The following CLEC16A variants were observed in gnomAD, a reference collection of about 807,000 sequenced individuals.
CLEC16A encodes the protein protein CLEC16A.
CLEC16A carries 51 observed loss-of-function variants against 109.5 expected under a neutral mutation model. The ratio of observed to expected loss-of-function variants is 0.47; its 90% confidence interval spans 0.37 to 0.59. The LOEUF (loss-of-function observed/expected upper bound fraction) is 0.59. CLEC16A is among the 20% of genes least tolerant of loss of function. The pLI is 0.00. For synonymous variants in CLEC16A, 673 were observed against 564.2 expected (o/e 1.19, Z -2.73); for missense variants, 1,339 against 1,394.0 (o/e 0.96, Z 0.63).
At chr16:11,014,490 A>C (rs2045622595) in intron 11 of CLEC16A, among the ~76,000 whole-genome samples, 1 of 152,262 alleles carries the variant, frequency 6.6e-6, no homozygotes, top group East Asian at 1.9e-4. Context: ...TGTAGAGTAT[A>C]ACGGTGATTT....
chr16:11,082,683 ACCTCTCT>A (rs2049792948), intron 19 of CLEC16A, among the ~76,000 whole-genome samples: 1 of 151,660 alleles, frequency 6.6e-6, no homozygotes, highest in African/African-American at 2.4e-5. Flanking sequence ...CCTCTCCTCC[ACCTCTCT>A]CTTCTGGAAG....
intron 19 of CLEC16A, among the ~76,000 whole-genome samples, chr16:11,119,180 T>C (rs1240792277): frequency 6.6e-6 from 1 of 152,156 alleles, no homozygotes; most frequent in African/African-American, 2.4e-5. Flanking sequence ...TTTTTATTTT[T>C]TGGTAGAGAC....
At chr16:10,960,727 A>C (rs2042213318) in intron 2 of CLEC16A, among the ~76,000 whole-genome samples, 1 of 152,028 alleles carries the variant, frequency 6.6e-6, no homozygotes, top group Non-Finnish European at 1.5e-5. Flanking sequence ...TCTGCATGGA[A>C]GATTCATCTC....
chr16:11,035,280 T>C (rs1169466122), intron 13 of CLEC16A, among the ~76,000 whole-genome samples: 1 of 152,228 alleles, frequency 6.6e-6, no homozygotes, highest in African/African-American at 2.4e-5. Flanking sequence ...ACAGCTGTCA[T>C]ATGGTGGCTT....
At chr16:10,963,208 T>C (rs2042338909) in intron 3 of CLEC16A, among the ~76,000 whole-genome samples, 1 of 152,174 alleles carries the variant, frequency 6.6e-6, no homozygotes. Flanking sequence ...GAGTGCTAGC[T>C]GGTGTCTCTT....
intron 22 of CLEC16A, among the ~76,000 whole-genome samples, chr16:11,138,088 T>A (rs954419069): frequency 1.3e-5 from 2 of 152,216 alleles, no homozygotes; most frequent in African/African-American, 4.8e-5. Context: ...AGAATTGGCA[T>A]TTTTTAAAGG....
At chr16:11,086,165 G>C (rs1220637556) in intron 19 of CLEC16A, among the ~76,000 whole-genome samples, 4 of 152,202 alleles carry the variant, frequency 2.6e-5, no homozygotes, top group African/African-American at 9.6e-5. Context: ...GGCTTCTGGG[G>C]TGTGCACACA....
intron 13 of CLEC16A, among the ~76,000 whole-genome samples, chr16:11,030,819 A>G (rs985722671): frequency 3.3e-5 from 5 of 152,050 alleles, no homozygotes; most frequent in Non-Finnish European, 7.4e-5. Context: ...TGATTTTTGT[A>G]TTTTTAGTAG....
chr16:11,017,557 A>T (rs1471228321), intron 11 of CLEC16A, among the ~76,000 whole-genome samples: 1 of 152,232 alleles, frequency 6.6e-6, no homozygotes, highest in Non-Finnish European at 1.5e-5. Context: ...ACTTTCTTCC[A>T]CAGAGTATGG....
At chr16:10,987,081 T>G (rs980598199) in intron 10 of CLEC16A, among the ~76,000 whole-genome samples, 6 of 152,040 alleles carry the variant, frequency 3.9e-5, no homozygotes, top group Non-Finnish European at 8.8e-5. Flanking sequence ...GTCTTGAACT[T>G]CTGGCCTCAA....
At chr16:11,145,452 G>C (rs566021676) in intron 22 of CLEC16A, among the ~76,000 whole-genome samples, 1 of 152,342 alleles carries the variant, frequency 6.6e-6, no homozygotes, top group African/African-American at 2.4e-5. Flanking sequence ...CCCCAAGCCT[G>C]TCAGCTCTAC....
intron 11 of CLEC16A, among the ~76,000 whole-genome samples, chr16:11,018,252 T>C (rs920184854): frequency 4.7e-5 from 7 of 147,656 alleles, no homozygotes; most frequent in African/African-American, 1.8e-4. Flanking sequence ...CACTGCACTC[T>C]AGGCTGGGTG....
At position 11,166,518 on chromosome 16, in the gene CLEC16A, G is replaced by A. The variant is rs201054925; in HGVS notation, c.2772G>A (p.Ser924=). ...TSHCDSGGTS[S]SSTPSTAQSP... is the part of the protein sequence containing the mutation. Reference sequence around the variant, plus strand: ...ACTGCGACTCTGGAGGCACCAGCTCGTCCTCCACCCCCTCCACAGCCCAGA... The same window carrying A: ...ACTGCGACTCTGGAGGCACCAGCTCATCCTCCACCCCCTCCACAGCCCAGA... Residue 924 remains serine (S), a synonymous_variant, in exon 23 of 24, where the codon TCG becomes TCA. Coordinates refer to ENST00000409790, the MANE Select transcript of CLEC16A (RefSeq NM_015226.3). 204 of 1,607,710 alleles carry A rather than the reference G, an allele frequency of 1.3e-4. No homozygotes were observed. The highest frequency in any genetic ancestry group is 1.6e-4 in the Middle Eastern group (1 of 6,078).
intron 13 of CLEC16A, among the ~76,000 whole-genome samples, chr16:11,033,045 T>A (rs2152832521): frequency 1.3e-5 from 2 of 151,692 alleles, no homozygotes; most frequent in Middle Eastern, 6.8e-3. Context: ...GCTGTTGCAG[T>A]CATCCAGGCG....
intron 19 of CLEC16A, among the ~76,000 whole-genome samples, chr16:11,094,336 C>G (rs572317002): frequency 6.6e-6 from 1 of 152,294 alleles, no homozygotes; most frequent in East Asian, 1.9e-4. Flanking sequence ...GCAGGCCGAG[C>G]CTGATAAGTT....
chr16:11,082,160 AAAC>A (rs759941753), intron 19 of CLEC16A, among the ~76,000 whole-genome samples: 5 of 152,208 alleles, frequency 3.3e-5, no homozygotes, highest in Admixed American at 6.5e-5. Context: ...TCTTGTTAAA[AAAC>A]AAACCCAAAA....
intron 19 of CLEC16A, among the ~76,000 whole-genome samples, chr16:11,081,834 G>T (rs961555606): frequency 5.9e-5 from 9 of 152,194 alleles, no homozygotes; most frequent in Admixed American, 2.6e-4. Flanking sequence ...GTTTTTAAAT[G>T]AAATGAAATA....
At chr16:10,983,074 C>G (rs2043419028) in intron 10 of CLEC16A, 83 bp downstream of exon 10, 5 of 787,630 alleles carry the variant, frequency 6.3e-6, no homozygotes, top group South Asian at 1.5e-5. Context: ...AAATCAGAAA[C>G]TAACATTCTG....
intron 23 of CLEC16A, among the ~76,000 whole-genome samples, chr16:11,167,699 A>G (rs1369097256): frequency 4.6e-5 from 7 of 152,188 alleles, no homozygotes; most frequent in Admixed American, 4.6e-4. Context: ...AGGCCCAGGC[A>G]GGAAAGTCAC....
Sources: allele counts gnomAD v4.1 joint callset (sites outside exome capture counted in the v4.1 genomes callset), GRCh38; gene constraint gnomAD v4.1.1; transcripts MANE v1.5; gene names NCBI Gene and HGNC (gene_info 2026-07-23, HGNC 2026-07-21).